APOBEC3A: variants seen among roughly 807,000 people sequenced by gnomAD.
The protein encoded by APOBEC3A is DNA dC->dU-editing enzyme APOBEC-3A.
In APOBEC3A, 13 loss-of-function variants were observed where a neutral mutation model predicts 23.0. The observed-to-expected ratio is 0.57, with a 90% CI of 0.37 to 0.90. The LOEUF is 0.90. Ranked by LOEUF, APOBEC3A falls within the 40% of genes least tolerant of loss-of-function variation. The probability of loss-of-function intolerance (pLI) is 0.01; values close to 1 mark genes in which losing one functional copy is unlikely to be tolerated. For synonymous variants in APOBEC3A, 74 were observed against 101.3 expected, an observed-to-expected ratio of 0.73 and a Z score of 1.62; for missense variants, 179 against 264.9, an observed-to-expected ratio of 0.68 and a Z score of 2.25.
At chr22:38,958,488 C>G (rs1267902226) in intron 1 of APOBEC3A, among the ~76,000 whole-genome samples, 1 of 119,886 alleles carries the variant, frequency 8.3e-6, no homozygotes, top group Non-Finnish European at 1.7e-5. Context: ...TCTTTCTTTC[C>G]TTCTTTCTTT....
In APOBEC3A at chr22:38,957,724, T is replaced by C. The variant is rs1481136921; in HGVS notation, c.29+4T>C. 1.2e-5 allele frequency: 20 copies of C among 1,612,072 alleles called. No homozygotes were observed. The highest frequency in any genetic ancestry group is 1.6e-5 in the Non-Finnish European group (19 of 1,179,028). The stretch of plus-strand genomic sequence containing the variant: ...CCAGCCCAGCATCCGGGCCCAGGTA[T>C]GGGAAGCCCCTCCGAGCACCTCTGC... On this transcript the variant is annotated splice_donor_region_variant and intron_variant, in intron 1 of 4. Transcript: ENST00000249116.
intron 1 of APOBEC3A, among the ~76,000 whole-genome samples, chr22:38,959,039 C>T (rs776463066): frequency 1.3e-5 from 2 of 152,118 alleles, no homozygotes; most frequent in Non-Finnish European, 2.9e-5. Flanking sequence ...TCAGGGCACC[C>T]TAAGGGATGT....
chr22:38,961,067 A>ACAAATT (rs1922858412), intron 2 of APOBEC3A, among the ~76,000 whole-genome samples: 1 of 150,190 alleles, frequency 6.7e-6, no homozygotes, highest in Non-Finnish European at 1.5e-5. Context: ...ATACAAATAG[A>ACAAATT]TCATGATGAA....
intron 2 of APOBEC3A, among the ~76,000 whole-genome samples, 189 bp downstream of exon 2, chr22:38,959,875 G>A (rs1313752420): frequency 2.0e-5 from 3 of 152,170 alleles, no homozygotes; most frequent in Admixed American, 6.5e-5. Context: ...CCCAGGTGGG[G>A]TTGAGTCTGC....
intron 4 of APOBEC3A, 57 bp downstream of exon 4, chr22:38,962,270 C>T (rs1347394045): frequency 8.1e-6 from 13 of 1,612,872 alleles, no homozygotes; most frequent in Non-Finnish European, 1.1e-5. Flanking sequence ...CTCCCCACTC[C>T]CCTGGGCCTT....
Position 38,959,599 on chromosome 22 carries a change from T to G in APOBEC3A, c.87T>G (p.His29Gln). The part of the protein sequence containing the change: ...TSNFNNGIGR[H>Q]KTYLCYEVER... The stretch of plus-strand genomic sequence containing the variant: ...ACTTTAACAATGGCATTGGAAGGCA[T>G]AAGACCTACCTGTGCTACGAAGTGG... The change falls in exon 2 of 5, where the codon CAT becomes CAG. Residue 29 changes from histidine to glutamine, a missense_variant. Around this residue, in one of 5 missense-constraint regions of APOBEC3A, gnomAD observed 87 missense variants for 74.5 expected, o/e 1.17. Transcript: ENST00000249116. 1 of 1,614,100 alleles carries G rather than the reference T, an allele frequency of 6.2e-7. No individual in the cohort carries two copies. The highest frequency in any genetic ancestry group is 8.5e-7 in the Non-Finnish European group (1 of 1,180,000).
Position 38,962,117 on chromosome 22 carries a change from C to T in APOBEC3A, c.489C>T (p.Asp163=). 6.2e-7 allele frequency: 1 copy of T among 1,611,622 alleles called. No individual in the cohort carries two copies. Among genetic ancestry groups the T allele is most frequent in the Non-Finnish European group, 8.5e-7 (1 of 1,178,878 alleles). Residue 163 remains aspartate (D), a synonymous_variant, in exon 4 of 5, where the codon GAC becomes GAT. Transcript: ENST00000249116. ...MTYDEFKHCW[D]TFVDHQGCPF... is the part of the protein sequence containing the mutation. The stretch of plus-strand genomic sequence containing the variant: ...TTTCAGAATTTAAGCACTGCTGGGA[C>T]ACCTTTGTGGACCACCAGGGATGTC...
intron 1 of APOBEC3A, among the ~76,000 whole-genome samples, chr22:38,958,349 C>T (rs113909418): frequency 6.7e-6 from 1 of 148,664 alleles, no homozygotes; most frequent in East Asian, 2.0e-4. Context: ...TTCTTTCTCT[C>T]TCTCTCTTTC....
In APOBEC3A at chr22:38,960,571, A is replaced by C. The variant is rs561346705; in HGVS notation, c.175-816A>C. ...CTTAGTGGAAAATCCTTTTCTCTGG[A>C]GTTTGGAGTAAATACCATATTTCTA... On this transcript the variant is annotated intron_variant, in intron 2 of 4. Coordinates refer to ENST00000249116, the MANE Select transcript of APOBEC3A (RefSeq NM_145699.4). 3.7e-4 allele frequency among the ~76,000 whole-genome samples: 57 copies of C among 152,290 alleles called. 2 individuals carry two copies. Among genetic ancestry groups the C allele is most frequent in the Admixed American group, 3.3e-4 (5 of 15,298 alleles).
rs375672851 is a variant in APOBEC3A, at chr22:38,961,591, G to A, written c.379G>A (p.Ala127Thr). The A allele has an allele frequency of 2.1e-5, 32 of 1,534,786 alleles. 3 individuals carry two copies. The highest frequency in any genetic ancestry group is 2.8e-5 in the Non-Finnish European group (31 of 1,119,042). The stretch of plus-strand genomic sequence containing the variant: ...ACACGTGAGACTGCGTATCTTCGCT[G>A]CCCGCATCTATGATTACGACCCCCT... ...NTHVRLRIFAARIYDYDPLYK... is the reference protein window; with the variant it reads ...NTHVRLRIFATRIYDYDPLYK... Residue 127 changes from alanine (A) to threonine (T), a missense_variant, in exon 3 of 5, where the codon GCC becomes ACC. Ala to Thr is a moderately conservative substitution (Grantham distance 58). Coordinates refer to ENST00000249116, the MANE Select transcript of APOBEC3A (RefSeq NM_145699.4).
Position 38,962,827 on chromosome 22 carries a change from G to A in APOBEC3A, c.*318G>A, listed in dbSNP as rs553883941. ...CAAAAAATTAGCCAGGCGTGGTGGC[G>A]GGCGCCTGTAGTCCCAGCTACTCTG... On this transcript the variant is annotated 3_prime_UTR_variant, in exon 5 of 5. Coordinates refer to ENST00000249116, the MANE Select transcript of APOBEC3A (RefSeq NM_145699.4). The A allele has an allele frequency of 3.4e-5, 17 of 500,880 alleles. No individual in the cohort carries two copies. Among genetic ancestry groups the A allele is most frequent in the Middle Eastern group, 6.3e-4 (1 of 1,598 alleles). The allele number at this position is 500,880 out of a possible 1,614,324, so 31.0% of individuals were successfully genotyped here.
Position 38,957,618 on chromosome 22 carries a change from G to C in APOBEC3A, c.-74G>C, listed in dbSNP as rs1450578005. ...TGAATCCTAAGAGAATGTTGGTGAA[G>C]ATCTTAACACCACGCCTTGAGCAAG... On this transcript the variant is annotated 5_prime_UTR_variant, in exon 1 of 5. Transcript: ENST00000249116. The C allele has an allele frequency of 2.9e-5, 45 of 1,569,822 alleles. No homozygotes were observed. Among genetic ancestry groups the C allele is most frequent in the Non-Finnish European group, 3.8e-5 (44 of 1,151,528 alleles).
Position 38,959,560 on chromosome 22 carries a change from C to T in APOBEC3A, c.48C>T (p.His16=). 1 of 1,614,092 alleles carries T rather than the reference C, an allele frequency of 6.2e-7. No homozygotes were observed. Among genetic ancestry groups the T allele is most frequent in the Non-Finnish European group, 8.5e-7 (1 of 1,179,966 alleles). Residue 16 remains histidine (H), a synonymous_variant, in exon 2 of 5, where the codon CAC becomes CAT. Transcript: ENST00000249116. ...TCCACAGACACTTGATGGATCCACA[C>T]ATATTCACTTCCAACTTTAACAATG... The part of the protein sequence containing the change: ...ASGPRHLMDP[H]IFTSNFNNGI...
chr22:38,958,084 A>C (rs1403655304), intron 1 of APOBEC3A, among the ~76,000 whole-genome samples: 1 of 152,244 alleles, frequency 6.6e-6, no homozygotes, highest in African/African-American at 2.4e-5. Context: ...ACTTGGCCTA[A>C]GCCCTTTTTA....
rs1475873040 is a variant in APOBEC3A, at chr22:38,962,648, G to A, written c.*139G>A. 17 of 1,558,068 alleles carry A rather than the reference G, an allele frequency of 1.1e-5. 2 individuals carry two copies. Among genetic ancestry groups the A allele is most frequent in the East Asian group, 7.7e-5 (3 of 38,916 alleles). On this transcript the variant is annotated 3_prime_UTR_variant, in exon 5 of 5. Coordinates refer to ENST00000249116, the MANE Select transcript of APOBEC3A (RefSeq NM_145699.4). ...GACGCCAGCAAAGCAGTATGCTCCC[G>A]ATCAAGTAGATTTTTAAAAAATCAG...
rs569481446 is a variant in APOBEC3A at position 38,961,617 on chromosome 22, A to G, written c.405A>G (p.Leu135=). 9 of 1,497,130 alleles carry G rather than the reference A, an allele frequency of 6.0e-6. No homozygotes were observed. Among genetic ancestry groups the G allele is most frequent in the East Asian group, 4.6e-5 (2 of 43,366 alleles). 92.7% of individuals were successfully genotyped at this position (1,497,130 alleles called of 1,614,324 possible). The part of the protein sequence containing the change: ...FAARIYDYDP[L]YKEALQMLRD... ...CCCGCATCTATGATTACGACCCCCT[A>G]TATAAGGAGGCACTGCAAATGCTGC... The change falls in exon 3 of 5, where the codon CTA becomes CTG. Residue 135 remains leucine (L), a synonymous_variant. Coordinates refer to ENST00000249116, the MANE Select transcript of APOBEC3A (RefSeq NM_145699.4).
chr22:38,958,671 TTTC>T (rs1922707511), intron 1 of APOBEC3A, among the ~76,000 whole-genome samples: 1 of 149,930 alleles, frequency 6.7e-6, no homozygotes, highest in Admixed American at 6.6e-5. Context: ...TCCTTCTTTC[TTTC>T]TTTTCCTTCC....
intron 2 of APOBEC3A, among the ~76,000 whole-genome samples, chr22:38,960,773 C>T (rs1378111866): frequency 6.6e-6 from 1 of 152,022 alleles, no homozygotes; most frequent in Non-Finnish European, 1.5e-5. Context: ...AATTATGGGC[C>T]ACAGATGGGA....
intron 2 of APOBEC3A, among the ~76,000 whole-genome samples, chr22:38,960,964 G>C (rs1922853310): frequency 6.6e-6 from 1 of 151,282 alleles, no homozygotes; most frequent in Admixed American, 6.6e-5. Context: ...TCTGACCTTG[G>C]GTACAAAATT....
Sources: gnomAD v4.1 joint callset for allele counts (sites outside exome capture counted in the v4.1 genomes callset) on GRCh38, gnomAD v4.1.1 for gene constraint, gnomAD v4.1.1 regional missense constraint, MANE v1.5 for transcripts, NCBI Gene and HGNC (gene_info 2026-07-23, HGNC 2026-07-21) for gene names.